Variants in TLR3 observed in about 807,000 individuals in gnomAD.
TLR3 encodes toll like receptor 3, also known as toll-like receptor 3.
Under a neutral mutation model 66.4 loss-of-function variants are expected in TLR3, and 43 were observed. The observed-to-expected ratio is 0.65, with a 90% CI of 0.51 to 0.83. The LOEUF is 0.83. Among genes scored for constraint, TLR3 ranks in the 40% least tolerant of loss-of-function variants. The probability of loss-of-function intolerance (pLI) is 0.00; values close to 1 mark genes in which losing one functional copy is unlikely to be tolerated. For missense variants in TLR3, 982 were observed against 1,044.6 expected (o/e 0.94, Z 0.83); for synonymous variants, 397 against 397.2 (o/e 1.00, Z 0.01).
rs759190057 is a variant in TLR3 at position 186,084,682 on chromosome 4, C to G, written c.2524C>G (p.Gln842Glu). The G allele has an allele frequency of 1.2e-6, 2 of 1,613,852 alleles. No homozygotes were observed. The highest frequency in any genetic ancestry group is 1.7e-6 in the Non-Finnish European group (2 of 1,179,830). Residue 842 changes from glutamine (Q) to glutamate (E), a missense_variant, in exon 5 of 5, where the codon CAA (glutamine) becomes GAA (glutamate). Around this residue, in one of 3 missense-constraint regions of TLR3, gnomAD observed 666 missense variants for 709.0 expected, o/e 0.94. Transcript: ENST00000296795. Reference sequence around the variant, plus strand: ...TCATGCAGTTCAACAAGCTATTGAACAAAATCTGGATTCCATTATATTGGT... The same window carrying G: ...TCATGCAGTTCAACAAGCTATTGAAGAAAATCTGGATTCCATTATATTGGT... The part of the protein sequence containing the change: ...VHHAVQQAIE[Q>E]NLDSIILVFL...
chr4:186,069,541 C>A (rs963647505), intron 1 of TLR3, among the ~76,000 whole-genome samples: 5 of 152,132 alleles, frequency 3.3e-5, no homozygotes. Flanking sequence ...CTGGAAAAAA[C>A]ACATTAGGGA....
At chr4:186,076,046 C>A (rs527629527) in intron 1 of TLR3, among the ~76,000 whole-genome samples, 1 of 151,680 alleles carries the variant, frequency 6.6e-6, no homozygotes, top group Non-Finnish European at 1.5e-5. Context: ...CCCAGCTACT[C>A]GGGAGGCTGA....
At chr4:186,079,706 C>CTAGT (rs1463963462) in intron 3 of TLR3, among the ~76,000 whole-genome samples, 1 of 152,220 alleles carries the variant, frequency 6.6e-6, no homozygotes, top group African/African-American at 2.4e-5. Flanking sequence ...AGAGCAACAA[C>CTAGT]TATCTGGACC....
chr4:186,084,112 G>A lies in TLR3; in HGVS notation c.2426G>A (p.Arg809Lys), dbSNP rs777430960. ...ELEAIVNSIK[R>K]SRKIIFVITH... Reference sequence around the variant, plus strand: ...GAAGCAATTGTTAACAGCATCAAAAGAAGCAGAAAAATTATTTTTGTTATA... The same window carrying A: ...GAAGCAATTGTTAACAGCATCAAAAAAAGCAGAAAAATTATTTTTGTTATA... Residue 809 changes from arginine (R) to lysine (K), a missense_variant, in exon 4 of 5, where the codon AGA becomes AAA. Coordinates refer to ENST00000296795, the MANE Select transcript of TLR3 (RefSeq NM_003265.3). 4.8e-5 allele frequency: 77 copies of A among 1,613,930 alleles called. No homozygotes were observed. Among genetic ancestry groups the A allele is most frequent in the Non-Finnish European group, 6.4e-5 (76 of 1,179,980 alleles).
rs2099302499 is a variant in TLR3, at chr4:186,076,636, C to T, written c.17C>T (p.Pro6Leu). 1 of 1,614,112 alleles carries T rather than the reference C, an allele frequency of 6.2e-7. No homozygotes were observed. The change falls in exon 2 of 5, where the codon CCT becomes CTT. Residue 6 changes from proline to leucine, a missense_variant. Physicochemically the swap from Pro to Leu is moderately conservative, Grantham distance 98. This residue lies in a region of TLR3 where 313 missense variants were observed against 319.0 expected (regional missense o/e 0.98). Coordinates refer to ENST00000296795, the MANE Select transcript of TLR3 (RefSeq NM_003265.3). ...AGCAGAATCATGAGACAGACTTTGC[C>T]TTGTATCTACTTTTGGGGGGGCCTT... MRQTL[P>L]CIYFWGGLLP...
At position 186,084,163 on chromosome 4, in the gene TLR3, T is replaced by C; in HGVS notation, c.2477T>C (p.Leu826Ser). 6.2e-7 allele frequency: 1 copy of C among 1,613,698 alleles called. No homozygotes were observed. Among genetic ancestry groups the C allele is most frequent in the Middle Eastern group, 1.7e-4 (1 of 6,058 alleles). The part of the protein sequence containing the change: ...VITHHLLKDP[L>S]CKRFKVHHAV... ...ACACACCATCTATTAAAAGACCCAT[T>C]ATGCAAAAGGTAGGTAAACATTGTG... Residue 826 changes from leucine (L) to serine (S), a missense_variant, in exon 4 of 5, where the codon TTA becomes TCA. By Grantham distance (145) the Leu-to-Ser change is moderately radical (BLOSUM62 -2). Around this residue, in one of 3 missense-constraint regions of TLR3, gnomAD observed 666 missense variants for 709.0 expected, o/e 0.94. Transcript: ENST00000296795.
chr4:186,070,357 C>CTTATT (rs952545648), intron 1 of TLR3, among the ~76,000 whole-genome samples: 6 of 151,994 alleles, frequency 3.9e-5, no homozygotes, highest in Non-Finnish European at 7.4e-5. Context: ...ATTTCCCTAT[C>CTTATT]TTATTTTATT....
intron 2 of TLR3, among the ~76,000 whole-genome samples, chr4:186,077,370 T>C (rs2099302620): frequency 6.6e-6 from 1 of 152,208 alleles, no homozygotes; most frequent in Non-Finnish European, 1.5e-5. Flanking sequence ...AAACTTTCAA[T>C]GCTGCTGATT....
chr4:186,074,656 T>C (rs1358766727), intron 1 of TLR3, among the ~76,000 whole-genome samples: 1 of 152,264 alleles, frequency 6.6e-6, no homozygotes, highest in African/African-American at 2.4e-5. Flanking sequence ...ATAACTGTTT[T>C]ACTTTATAAG....
Position 186,082,521 on chromosome 4 carries a change from C to T in TLR3, c.835C>T (p.Leu279Phe), listed in dbSNP as rs375673282. The T allele has an allele frequency of 1.9e-5, 30 of 1,614,052 alleles. No individual in the cohort carries two copies. The highest frequency in any genetic ancestry group is 2.4e-5 in the Non-Finnish European group (28 of 1,180,028). The change falls in exon 4 of 5, where the codon CTC (leucine) becomes TTC (phenylalanine). Residue 279 changes from leucine (L) to phenylalanine (F), a missense_variant. Coordinates refer to ENST00000296795, the MANE Select transcript of TLR3 (RefSeq NM_003265.3). ...ACTAAAGTGGACAAATCTCACTATG[C>T]TCGATCTTTCCTACAACAACTTAAA... The part of the protein sequence containing the change: ...LGLKWTNLTM[L>F]DLSYNNLNVV...
intron 1 of TLR3, among the ~76,000 whole-genome samples, chr4:186,075,706 T>C (rs564562833): frequency 1.6e-4 from 25 of 152,280 alleles, no homozygotes; most frequent in African/African-American, 6.0e-4. Context: ...GCTGAATTAA[T>C]GTAGGCCAAG....
At chr4:186,073,884 C>T (rs574673105) in intron 1 of TLR3, among the ~76,000 whole-genome samples, 2 of 150,534 alleles carry the variant, frequency 1.3e-5, no homozygotes, top group East Asian at 2.0e-4. Context: ...CAATAATAAA[C>T]AGGAAACAAT....
In TLR3 at chr4:186,086,694, TTAAA is replaced by T. The variant is rs1445737594; in HGVS notation, c.*1827_*1830del. ...TATTCTCAAATATTCATAAGATATT[TTAAA>T]TAAATCATTGTGAATTAGTCAATAT... On this transcript the variant is annotated 3_prime_UTR_variant, in exon 5 of 5. Coordinates refer to ENST00000296795, the MANE Select transcript of TLR3 (RefSeq NM_003265.3). 6.6e-6 allele frequency: 1 copy of T among 152,164 alleles called. No homozygotes were observed. The highest frequency in any genetic ancestry group is 6.5e-5 in the Admixed American group (1 of 15,270). The allele number at this position is 152,164 out of a possible 1,614,324, so 9.4% of individuals were successfully genotyped here. A position where few individuals can be genotyped will look rare whatever the true frequency, so the allele number is the denominator to read the frequency against.
rs756525560 is a variant in TLR3 at position 186,082,702 on chromosome 4, C to A, written c.1016C>A (p.Ser339Tyr). 1 of 1,614,038 alleles carries A rather than the reference C, an allele frequency of 6.2e-7. No homozygotes were observed. Among genetic ancestry groups the A allele is most frequent in the South Asian group, 1.1e-5 (1 of 91,078 alleles). Residue 339 changes from serine to tyrosine, a missense_variant, in exon 4 of 5, where the codon TCC (serine) becomes TAC (tyrosine). By Grantham distance (144) the Ser-to-Tyr change is moderately radical. Transcript: ENST00000296795. ...LKRSFTKQSI[S>Y]LASLPKIDDF... The stretch of plus-strand genomic sequence containing the variant: ...CGGTCTTTTACTAAACAAAGTATTT[C>A]CCTTGCCTCACTCCCCAAGATTGAT...
Position 186,083,687 on chromosome 4 carries a change from C to T in TLR3, c.2001C>T (p.Asn667=), listed in dbSNP as rs1319935757. 1 of 1,597,938 alleles carries T rather than the reference C, an allele frequency of 6.3e-7. No individual in the cohort carries two copies. The highest frequency in any genetic ancestry group is 8.5e-7 in the Non-Finnish European group (1 of 1,171,824). Residue 667 remains asparagine (N), a synonymous_variant, in exon 4 of 5, where the codon AAC becomes AAT. Coordinates refer to ENST00000296795, the MANE Select transcript of TLR3 (RefSeq NM_003265.3). The surrounding 1 kb of genome is among the most constrained non-coding windows in gnomAD (Gnocchi z 4.0). ...ATTGGATTAACGAGACCCATACCAA[C>T]ATCCCTGAGCTGTCAAGCCACTACC... ...FVNWINETHT[N]IPELSSHYLC...
chr4:186,084,420 C>T (rs982589810), intron 4 of TLR3, among the ~76,000 whole-genome samples: 1 of 151,896 alleles, frequency 6.6e-6, no homozygotes, highest in South Asian at 2.1e-4. Flanking sequence ...GGGGTTTCAC[C>T]GTGTTGGCCA....
At chr4:186,079,056 T>A (rs2099302954) in intron 3 of TLR3, 25 bp downstream of exon 3, 1 of 1,593,940 alleles carries the variant, frequency 6.3e-7, no homozygotes, top group African/African-American at 1.3e-5. Flanking sequence ...AAAATTATTT[T>A]GCATTCTGCC....
intron 3 of TLR3, among the ~76,000 whole-genome samples, 173 bp downstream of exon 3, chr4:186,079,204 A>G (rs2099302987): frequency 6.6e-6 from 1 of 152,146 alleles, no homozygotes; most frequent in African/African-American, 2.4e-5. Flanking sequence ...AGGCAGCCCC[A>G]GGAGAGGTCG....
At chr4:186,080,195 T>C (rs1319875738) in intron 3 of TLR3, among the ~76,000 whole-genome samples, 1 of 152,220 alleles carries the variant, frequency 6.6e-6, no homozygotes, top group African/African-American at 2.4e-5. Context: ...CTATTTTTTT[T>C]TTCAGACATA....
Sources: allele counts gnomAD v4.1 joint callset (sites outside exome capture counted in the v4.1 genomes callset), GRCh38; gene constraint gnomAD v4.1.1; regional missense constraint gnomAD v4.1.1; non-coding constraint Gnocchi (gnomAD v3.1); transcripts MANE v1.5; gene names NCBI Gene and HGNC (gene_info 2026-07-23, HGNC 2026-07-21).